The following RNF220 variants were observed in gnomAD, a reference collection of about 807,000 sequenced individuals.
The protein encoded by RNF220 is E3 ubiquitin-protein ligase RNF220.
RNF220 carries 7 observed loss-of-function variants against 67.1 expected under a neutral mutation model. The ratio of observed to expected loss-of-function variants is 0.10; its 90% confidence interval spans 0.06 to 0.20. RNF220 has a LOEUF of 0.20. Ranked by LOEUF, RNF220 falls within the 10% of genes least tolerant of loss-of-function variation. The pLI is 1.00. For synonymous variants in RNF220, 270 were observed against 283.2 expected, an observed-to-expected ratio of 0.95 and a Z score of 0.47; for missense variants, 565 against 740.3, an observed-to-expected ratio of 0.76 and a Z score of 2.75.
At chr1:44,482,920 CTTTTTTTTTTTTTTT>C (rs34268893) in intron 2 of RNF220, among the ~76,000 whole-genome samples, 2 of 69,120 alleles carry the variant, frequency 2.9e-5, no homozygotes, top group African/African-American at 1.3e-4. Context: ...CACACCCAGC[CTTTTTTTTTTTTTTT>C]TTTTTTTTTT....
intron 2 of RNF220, among the ~76,000 whole-genome samples, chr1:44,507,121 G>A (rs1465182796): frequency 1.3e-5 from 2 of 152,138 alleles, no homozygotes; most frequent in Non-Finnish European, 2.9e-5. Context: ...CATGGGGCAG[G>A]CATCAGGGCA....
chr1:44,594,513 C>T (rs1666340322), intron 2 of RNF220, among the ~76,000 whole-genome samples: 1 of 152,252 alleles, frequency 6.6e-6, no homozygotes, highest in Non-Finnish European at 1.5e-5. Context: ...CTCAACTAGA[C>T]TGCCAAATTG....
chr1:44,464,459 T>C lies in RNF220; in HGVS notation c.625+51737T>C, dbSNP rs150595627. ...AAATCTCTACTTGCATTATATCCGC[T>C]AACATTCCACTGGTTAAAGGAAGTC... On this transcript the variant is annotated intron_variant, in intron 2 of 14. Coordinates refer to ENST00000361799, the MANE Select transcript of RNF220 (RefSeq NM_018150.4). 8.5e-4 allele frequency among the ~76,000 whole-genome samples: 130 copies of C among 152,340 alleles called. 1 individual carries two copies. Among genetic ancestry groups the C allele is most frequent in the Admixed American group, 1.4e-3 (22 of 15,300 alleles).
chr1:44,584,242 C>T (rs185924963), intron 2 of RNF220, among the ~76,000 whole-genome samples: 113 of 152,312 alleles, frequency 7.4e-4, no homozygotes, highest in African/African-American at 2.6e-3. Flanking sequence ...AATTCAGAAC[C>T]CAGACAATTG....
intron 2 of RNF220, among the ~76,000 whole-genome samples, chr1:44,578,236 C>T (rs910965379): frequency 6.6e-6 from 1 of 150,712 alleles, no homozygotes; most frequent in African/African-American, 2.4e-5. Context: ...GCAACCTCCA[C>T]CTGCCGGGTT....
rs964585382 is a variant in RNF220 at position 44,645,990 on chromosome 1, A to C, written c.1445+502A>C. 6.6e-6 allele frequency among the ~76,000 whole-genome samples: 1 copy of C among 152,206 alleles called. No individual in the cohort carries two copies. The highest frequency in any genetic ancestry group is 2.4e-5 in the African/African-American group (1 of 41,468). On this transcript the variant is annotated intron_variant, in intron 12 of 14. Transcript: ENST00000361799. This position sits in a 1 kb window ranked among gnomAD's most constrained non-coding sequence, Gnocchi z 5.0. ...ATTAGCACTTTGCCCAGGGCTGAGC[A>C]ACCCCTGGCCTGGATCCCTGGGAAC...
At chr1:44,588,751 G>A (rs1269289361) in intron 2 of RNF220, among the ~76,000 whole-genome samples, 2 of 152,198 alleles carry the variant, frequency 1.3e-5, no homozygotes, top group African/African-American at 2.4e-5. Context: ...CTATGAGCAG[G>A]GCCCCAGCAC....
At chr1:44,613,807 G>A (rs937305680) in intron 2 of RNF220, among the ~76,000 whole-genome samples, 3 of 152,188 alleles carry the variant, frequency 2.0e-5, no homozygotes, top group African/African-American at 4.8e-5. Context: ...AACCCAGGAG[G>A]CAGAGGTTGC....
intron 2 of RNF220, among the ~76,000 whole-genome samples, chr1:44,580,668 T>C (rs1400855474): frequency 6.6e-6 from 1 of 152,162 alleles, no homozygotes; most frequent in Admixed American, 6.5e-5. Context: ...ATTAGGAAGA[T>C]TGTGAAGACA....
Position 44,631,193 on chromosome 1 carries a change from AACTTC to A in RNF220, c.907-1147_907-1143del, listed in dbSNP as rs532978843. On this transcript the variant is annotated intron_variant, in intron 5 of 14. Transcript: ENST00000361799. The stretch of plus-strand genomic sequence containing the variant: ...CTGAAGTGGTCAGTCCACTGATAAA[AACTTC>A]ACAAGCGATGATAACGGCGCAGAGA... Among the ~76,000 whole-genome samples the A allele has an allele frequency of 1.6e-3, 238 of 152,372 alleles. 2 individuals are homozygous for A. The highest frequency in any genetic ancestry group is 5.6e-3 in the African/African-American group (231 of 41,590).
chr1:44,504,721 A>G (rs1039025127), intron 2 of RNF220, among the ~76,000 whole-genome samples: 1 of 152,184 alleles, frequency 6.6e-6, no homozygotes, highest in African/African-American at 2.4e-5. Context: ...TCTCATTGGC[A>G]TCAGTATCTT....
intron 2 of RNF220, among the ~76,000 whole-genome samples, chr1:44,451,735 C>T (rs990180258): frequency 1.5e-4 from 23 of 152,262 alleles, no homozygotes; most frequent in African/African-American, 5.5e-4. Flanking sequence ...ATTCTCCTGT[C>T]TCAGCCTTCC....
chr1:44,633,047 G>A (rs1386746229), intron 6 of RNF220, among the ~76,000 whole-genome samples: 1 of 152,180 alleles, frequency 6.6e-6, no homozygotes, highest in Non-Finnish European at 1.5e-5. Context: ...GTGCTTACTG[G>A]GGTGTGGTAT....
chr1:44,633,236 CCT>C (rs1644222326), intron 6 of RNF220, among the ~76,000 whole-genome samples: 1 of 152,158 alleles, frequency 6.6e-6, no homozygotes. Context: ...TCTCACAACG[CCT>C]CTGAGAAGAG....
intron 2 of RNF220, among the ~76,000 whole-genome samples, chr1:44,599,448 GGACTGCTT>G (rs2148394895): frequency 6.6e-6 from 1 of 152,246 alleles, no homozygotes; most frequent in East Asian, 1.9e-4. Flanking sequence ...CGAGGTGGAC[GGACTGCTT>G]GAGCTCAAGA....
chr1:44,592,530 G>T (rs1666191778), intron 2 of RNF220, among the ~76,000 whole-genome samples: 1 of 152,158 alleles, frequency 6.6e-6, no homozygotes, highest in African/African-American at 2.4e-5. Context: ...AGAGCCTGTG[G>T]GCTCCCAGGT....
chr1:44,587,498 G>C (rs181318908), intron 2 of RNF220, among the ~76,000 whole-genome samples: 2 of 152,228 alleles, frequency 1.3e-5, no homozygotes, highest in Non-Finnish European at 1.5e-5. Context: ...TCACCTTGTG[G>C]CAAGGAGGGG....
intron 2 of RNF220, among the ~76,000 whole-genome samples, chr1:44,468,203 A>G (rs1365403396): frequency 1.5e-5 from 2 of 135,890 alleles, no homozygotes; most frequent in African/African-American, 2.7e-5. Context: ...TAAAAAATGT[A>G]ATGTCTACAA....
intron 7 of RNF220, 147 bp downstream of exon 7, chr1:44,635,735 C>T: frequency 6.7e-7 from 1 of 1,498,732 alleles, no homozygotes. Flanking sequence ...CTGACTGCCC[C>T]TGAATCTGTG....
Sources: gnomAD v4.1 joint callset for allele counts (sites outside exome capture counted in the v4.1 genomes callset) on GRCh38, gnomAD v4.1.1 for gene constraint, Gnocchi (gnomAD v3.1) non-coding constraint, MANE v1.5 for transcripts, NCBI Gene and HGNC (gene_info 2026-07-23, HGNC 2026-07-21) for gene names.